The following HPCAL1 variants were observed in gnomAD, a reference collection of about 807,000 sequenced individuals.
The protein encoded by HPCAL1 is hippocalcin-like protein 1.
HPCAL1 carries 8 observed loss-of-function variants against 17.1 expected under a neutral mutation model. The ratio of observed to expected loss-of-function variants is 0.47; its 90% confidence interval spans 0.27 to 0.84. The LOEUF (loss-of-function observed/expected upper bound fraction) is 0.84. HPCAL1 is among the 40% of genes least tolerant of loss of function. HPCAL1 has a pLI of 0.13. For synonymous variants in HPCAL1, 112 were observed against 111.4 expected (o/e 1.01, Z -0.03); for missense variants, 165 against 271.1 (o/e 0.61, Z 2.75).
At chr2:10,324,822 T>TTG (rs1663897398) in intron 1 of HPCAL1, among the ~76,000 whole-genome samples, 1 of 110,766 alleles carries the variant, frequency 9.0e-6, no homozygotes, top group East Asian at 2.7e-4. Context: ...TTGTGTTTTT[T>TTG]TTTTTTTTTT....
At position 10,363,490 on chromosome 2, in the gene HPCAL1, A is replaced by G. The variant is rs866048686; in HGVS notation, c.-110-33345A>G. On this transcript the variant is annotated intron_variant, in intron 1 of 4. Transcript: ENST00000307845. The surrounding 1 kb of genome is among the most constrained non-coding windows in gnomAD (Gnocchi z 4.7). ...AGCGACCTTTCGGGATGCCTCTTAC[A>G]TAGTCCTGCCTATACCCTCTACACG... is the stretch of plus-strand genomic sequence containing the variant. 2.6e-5 allele frequency among the ~76,000 whole-genome samples: 4 copies of G among 152,326 alleles called. No homozygotes were observed. Among genetic ancestry groups the G allele is most frequent in the Middle Eastern group, 6.8e-3 (2 of 294 alleles).
At position 10,327,283 on chromosome 2, in the gene HPCAL1, G is replaced by T. The variant is rs1219097293; in HGVS notation, c.-111+24106G>T. ...GAATTTCAAAACATGCATTTTGTAGGTAGTAGTTCTGTCATCCAGAATGTG... is the reference window on the plus strand; with the variant it reads ...GAATTTCAAAACATGCATTTTGTAGTTAGTAGTTCTGTCATCCAGAATGTG... On this transcript the variant is annotated intron_variant, in intron 1 of 4. Transcript: ENST00000307845. 7.2e-5 allele frequency among the ~76,000 whole-genome samples: 11 copies of T among 152,336 alleles called. No homozygotes were observed. In the South Asian group the frequency reaches 2.3e-3, roughly 32 times the overall value.
At chr2:10,307,765 G>A (rs1662714679) in intron 1 of HPCAL1, among the ~76,000 whole-genome samples, 1 of 152,098 alleles carries the variant, frequency 6.6e-6, no homozygotes, top group Non-Finnish European at 1.5e-5. Flanking sequence ...CCACTCTTCC[G>A]GCACAGCGGA....
chr2:10,404,567 C>G lies in HPCAL1; in HGVS notation c.-25+7647C>G, dbSNP rs143008969. 2.4e-3 allele frequency among the ~76,000 whole-genome samples: 363 copies of G among 152,310 alleles called. 1 individual carries two copies. Among genetic ancestry groups the G allele is most frequent in the Middle Eastern group, 0.017 (5 of 294 alleles). Reference sequence around the variant, plus strand: ...CAGAGACGGAGATGAGAGGAGGGACCTCATGCCCTGAGGCAGCCCCAGCCT... The same window carrying G: ...CAGAGACGGAGATGAGAGGAGGGACGTCATGCCCTGAGGCAGCCCCAGCCT... On this transcript the variant is annotated intron_variant, in intron 2 of 4. Coordinates refer to ENST00000307845, the MANE Select transcript of HPCAL1 (RefSeq NM_002149.4).
At chr2:10,328,615 GGT>G (rs1363371091) in intron 1 of HPCAL1, among the ~76,000 whole-genome samples, 4 of 152,108 alleles carry the variant, frequency 2.6e-5, no homozygotes, top group African/African-American at 9.7e-5. Context: ...TGGAGCTCCC[GGT>G]TCTCAGGCCT....
At chr2:10,324,824 T>C (rs1237190418) in intron 1 of HPCAL1, among the ~76,000 whole-genome samples, 5 of 112,144 alleles carry the variant, frequency 4.5e-5, no homozygotes, top group African/African-American at 1.6e-4. Flanking sequence ...GTGTTTTTTT[T>C]TTTTTTTTTT....
intron 2 of HPCAL1, among the ~76,000 whole-genome samples, chr2:10,399,979 A>G (rs1469530124): frequency 6.6e-6 from 1 of 152,238 alleles, no homozygotes; most frequent in Non-Finnish European, 1.5e-5. Flanking sequence ...GGGGAGACAG[A>G]CAGTGAACTC....
intron 1 of HPCAL1, among the ~76,000 whole-genome samples, chr2:10,389,551 G>A (rs1668552408): frequency 6.6e-6 from 1 of 152,200 alleles, no homozygotes; most frequent in Non-Finnish European, 1.5e-5. Flanking sequence ...CTTGATCTTG[G>A]ACTTCCAGCC....
chr2:10,332,505 G>A (rs1157174599), intron 1 of HPCAL1, among the ~76,000 whole-genome samples: 2 of 152,062 alleles, frequency 1.3e-5, no homozygotes, highest in African/African-American at 2.4e-5. Flanking sequence ...TGGGAGGTGG[G>A]GGGTAGCCGT....
intron 1 of HPCAL1, among the ~76,000 whole-genome samples, chr2:10,366,385 G>A (rs937798832): frequency 1.1e-4 from 16 of 152,046 alleles, no homozygotes; most frequent in South Asian, 6.2e-4. Context: ...ACAGGCACCC[G>A]CCACCACACC....
At chr2:10,322,869 CA>C (rs1663761156) in intron 1 of HPCAL1, among the ~76,000 whole-genome samples, 1 of 152,206 alleles carries the variant, frequency 6.6e-6, no homozygotes, top group Non-Finnish European at 1.5e-5. Context: ...CACCGCTTGT[CA>C]CGTTTTATGT....
intron 1 of HPCAL1, among the ~76,000 whole-genome samples, chr2:10,348,040 G>A (rs535333366): frequency 6.6e-6 from 1 of 152,196 alleles, no homozygotes; most frequent in South Asian, 2.1e-4. Flanking sequence ...CTAGCATGGT[G>A]GGGATATAAA....
intron 1 of HPCAL1, among the ~76,000 whole-genome samples, chr2:10,358,510 A>T (rs1441775009): frequency 6.6e-6 from 1 of 152,194 alleles, no homozygotes; most frequent in Admixed American, 6.5e-5. Context: ...CCACACTCCC[A>T]TCCTGTGCCT....
chr2:10,416,846 A>G lies in HPCAL1; in HGVS notation c.-24-2888A>G, dbSNP rs528190456. Among the ~76,000 whole-genome samples the G allele has an allele frequency of 7.1e-4, 108 of 152,218 alleles. 1 individual carries two copies. In the South Asian group the frequency reaches 0.021, roughly 29 times the overall value. On this transcript the variant is annotated intron_variant, in intron 2 of 4. Transcript: ENST00000307845. Reference sequence around the variant, plus strand: ...CTGGCAGGCGTCATCCCCAAGCCCCAGGGTGGGTCATATTTCTGGATGATG... The same window carrying G: ...CTGGCAGGCGTCATCCCCAAGCCCCGGGGTGGGTCATATTTCTGGATGATG...
chr2:10,402,621 G>C (rs190134783), intron 2 of HPCAL1, among the ~76,000 whole-genome samples: 3 of 152,246 alleles, frequency 2.0e-5, no homozygotes, highest in Admixed American at 2.0e-4. Context: ...GTTTCAGCCG[G>C]GCTGAGGCCA....
At chr2:10,392,675 G>A (rs1209798241) in intron 1 of HPCAL1, among the ~76,000 whole-genome samples, 1 of 152,200 alleles carries the variant, frequency 6.6e-6, no homozygotes, top group Non-Finnish European at 1.5e-5. Context: ...TGCGGGAGTG[G>A]AAGCAGGGAG....
Position 10,380,513 on chromosome 2 carries a change from G to T in HPCAL1, c.-110-16322G>T, listed in dbSNP as rs931066452. ...TCCATTCAGGCCTAGAAAGCTGGGGGTGCTGACTGCCATCACCCACTGGCC... is the reference window on the plus strand; with the variant it reads ...TCCATTCAGGCCTAGAAAGCTGGGGTTGCTGACTGCCATCACCCACTGGCC... On this transcript the variant is annotated intron_variant, in intron 1 of 4. Transcript: ENST00000307845. Among the ~76,000 whole-genome samples, 7 of 152,322 alleles carry T rather than the reference G, an allele frequency of 4.6e-5. No individual in the cohort carries two copies. In the East Asian group the frequency reaches 1.2e-3, roughly 25 times the overall value.
At chr2:10,350,811 A>G (rs115180647) in intron 1 of HPCAL1, among the ~76,000 whole-genome samples, 4,583 of 152,340 alleles carry the variant, frequency 0.03, 254 homozygotes, top group African/African-American at 0.11. Context: ...ACAAGTGGCC[A>G]AGAAGCACAT....
chr2:10,308,217 C>T (rs1662744225), intron 1 of HPCAL1, among the ~76,000 whole-genome samples: 3 of 152,078 alleles, frequency 2.0e-5, no homozygotes, highest in African/African-American at 7.2e-5. Flanking sequence ...TCTGTCTCAC[C>T]CAGACTTCCT....
Sources: gnomAD v4.1 joint callset for allele counts (sites outside exome capture counted in the v4.1 genomes callset) on GRCh38, gnomAD v4.1.1 for gene constraint, Gnocchi (gnomAD v3.1) non-coding constraint, MANE v1.5 for transcripts, NCBI Gene and HGNC (gene_info 2026-07-23, HGNC 2026-07-21) for gene names.